The following GSTCD variants were observed in gnomAD, a reference collection of about 807,000 sequenced individuals.
GSTCD encodes the protein glutathione S-transferase C-terminal domain containing, also known as glutathione S-transferase C-terminal domain-containing protein.
Under a neutral mutation model 68.3 loss-of-function variants are expected in GSTCD, and 44 were observed. That is an observed-to-expected ratio of 0.64 (90% CI 0.51 to 0.83). The LOEUF (loss-of-function observed/expected upper bound fraction) is 0.83, where lower values mean the gene tolerates loss of function less well. Among genes scored for constraint, GSTCD ranks in the 40% least tolerant of loss-of-function variants. The pLI, the probability that GSTCD is intolerant of heterozygous loss-of-function variation, is 0.00. For missense variants in GSTCD, 739 were observed against 735.9 expected (o/e 1.00, Z -0.05); for synonymous variants, 273 against 255.2 (o/e 1.07, Z -0.67).
intron 10 of GSTCD, 42 bp downstream of exon 10, chr4:105,837,931 T>A: frequency 1.3e-6 from 1 of 791,116 alleles, no homozygotes; most frequent in Non-Finnish European, 2.0e-6. Context: ...ATACACTTTT[T>A]ATCCTTTATA....
At chr4:105,719,568 A>C (rs776861060) in intron 3 of GSTCD, 41 bp downstream of exon 3, 1 of 1,431,714 alleles carries the variant, frequency 7.0e-7, no homozygotes, top group South Asian at 1.2e-5. Flanking sequence ...TATGAGTTTC[A>C]GTCTATGAAA....
chr4:105,822,903 T>C, intron 5 of GSTCD, 51 bp from the exon 6 acceptor site: 1 of 1,374,834 alleles, frequency 7.3e-7, no homozygotes, highest in Non-Finnish European at 1.0e-6. Flanking sequence ...TGTCTTCTTG[T>C]TCCCTCAAAA....
intron 5 of GSTCD, among the ~76,000 whole-genome samples, chr4:105,768,035 A>G (rs2149241061): frequency 6.6e-6 from 1 of 152,080 alleles, no homozygotes; most frequent in African/African-American, 2.4e-5. Flanking sequence ...GTGTAAAAAA[A>G]AAATTTTTTT....
intron 5 of GSTCD, among the ~76,000 whole-genome samples, chr4:105,735,248 G>T (rs1368011852): frequency 6.6e-6 from 1 of 152,050 alleles, no homozygotes; most frequent in Non-Finnish European, 1.5e-5. Flanking sequence ...TCTGCAGAGG[G>T]TTCCGCTGTG....
At chr4:105,727,106 T>G (rs1237327888) in intron 4 of GSTCD, among the ~76,000 whole-genome samples, 7 of 147,078 alleles carry the variant, frequency 4.8e-5, no homozygotes, top group Non-Finnish European at 1.0e-4. Context: ...TTTTTTTTTG[T>G]ATATTCAGGA....
At chr4:105,743,669 T>C (rs934830088) in intron 5 of GSTCD, among the ~76,000 whole-genome samples, 22 of 145,292 alleles carry the variant, frequency 1.5e-4, no homozygotes, top group African/African-American at 3.9e-4. Context: ...TTTTTTTTTT[T>C]TTTTTTTTTT....
intron 5 of GSTCD, among the ~76,000 whole-genome samples, chr4:105,776,530 T>G (rs1735068884): frequency 6.6e-6 from 1 of 152,218 alleles, no homozygotes; most frequent in South Asian, 2.1e-4. Context: ...GCATAGTATC[T>G]GTGCTGAAGT....
intron 5 of GSTCD, among the ~76,000 whole-genome samples, chr4:105,770,555 A>G (rs1179580486): frequency 6.6e-6 from 1 of 151,958 alleles, no homozygotes; most frequent in East Asian, 1.9e-4. Context: ...CTGGAGTATG[A>G]TATTCCCCTC....
chr4:105,756,219 A>C (rs1734183890), intron 5 of GSTCD, among the ~76,000 whole-genome samples: 1 of 152,108 alleles, frequency 6.6e-6, no homozygotes, highest in Non-Finnish European at 1.5e-5. Flanking sequence ...AAGTTCTCAG[A>C]ACCCCCTGCT....
intron 5 of GSTCD, among the ~76,000 whole-genome samples, chr4:105,767,993 T>C (rs957461049): frequency 9.2e-5 from 14 of 152,234 alleles, no homozygotes; most frequent in African/African-American, 3.4e-4. Flanking sequence ...AAACATTTTG[T>C]TCCACAAATA....
intron 5 of GSTCD, among the ~76,000 whole-genome samples, chr4:105,815,918 C>T (rs1251078346): frequency 6.6e-6 from 1 of 152,038 alleles, no homozygotes; most frequent in Non-Finnish European, 1.5e-5. Context: ...GTAATGTTTA[C>T]TTTGTGTGGT....
intron 5 of GSTCD, among the ~76,000 whole-genome samples, chr4:105,769,078 T>A (rs1734729820): frequency 6.6e-6 from 1 of 152,064 alleles, no homozygotes; most frequent in South Asian, 2.1e-4. Flanking sequence ...TTAATTTAAA[T>A]GAGAAAATTA....
chr4:105,722,341 T>C (rs1732883931), intron 3 of GSTCD, among the ~76,000 whole-genome samples: 1 of 152,122 alleles, frequency 6.6e-6, no homozygotes, highest in Non-Finnish European at 1.5e-5. Context: ...ATGCCACTTA[T>C]TTAGTGGTAA....
At chr4:105,803,354 C>T (rs1393819271) in intron 5 of GSTCD, among the ~76,000 whole-genome samples, 1 of 151,798 alleles carries the variant, frequency 6.6e-6, no homozygotes, top group Non-Finnish European at 1.5e-5. Flanking sequence ...TTGCCAATAG[C>T]TTAAGAGTCA....
chr4:105,743,154 G>T (rs536349269), intron 5 of GSTCD, among the ~76,000 whole-genome samples: 7 of 151,974 alleles, frequency 4.6e-5, no homozygotes, highest in Non-Finnish European at 1.0e-4. Flanking sequence ...GTTTCACCAT[G>T]TTAGCCAGGA....
intron 5 of GSTCD, among the ~76,000 whole-genome samples, chr4:105,775,636 G>T (rs1560823305): frequency 6.6e-6 from 1 of 152,200 alleles, no homozygotes; most frequent in Non-Finnish European, 1.5e-5. Context: ...GTTTGCTGGA[G>T]GTCTGCTCCA....
intron 5 of GSTCD, among the ~76,000 whole-genome samples, chr4:105,805,224 G>A (rs1380873494): frequency 6.6e-6 from 1 of 152,012 alleles, no homozygotes; most frequent in Non-Finnish European, 1.5e-5. Flanking sequence ...AAATCTCTAA[G>A]AAAAATTACA....
chr4:105,845,660 A>G lies in GSTCD; in HGVS notation c.*83A>G. 7.0e-7 allele frequency: 1 copy of G among 1,431,468 alleles called. No individual in the cohort carries two copies. The highest frequency in any genetic ancestry group is 9.7e-7 in the Non-Finnish European group (1 of 1,026,798). The allele number at this position is 1,431,468 out of a possible 1,614,324, so 88.7% of individuals were successfully genotyped here. A position where few individuals can be genotyped will look rare whatever the true frequency, so the allele number is the denominator to read the frequency against. On this transcript the variant is annotated 3_prime_UTR_variant, in exon 12 of 12. Coordinates refer to ENST00000515279, the MANE Select transcript of GSTCD (RefSeq NM_001370181.1). ...CATTCAGGAGGTTCTTGGCATAACT[A>G]GGAAACAGCATTAGCCATCTTGAAC...
At chr4:105,794,133 A>G (rs1401867863) in intron 5 of GSTCD, among the ~76,000 whole-genome samples, 1 of 152,080 alleles carries the variant, frequency 6.6e-6, no homozygotes, top group East Asian at 1.9e-4. Flanking sequence ...AATCTTACAT[A>G]ATAATGTTTT....
Sources: allele counts gnomAD v4.1 joint callset (sites outside exome capture counted in the v4.1 genomes callset), GRCh38; gene constraint gnomAD v4.1.1; transcripts MANE v1.5; gene names NCBI Gene and HGNC (gene_info 2026-07-23, HGNC 2026-07-21).